Variants in HACD2 observed in about 807,000 individuals in gnomAD.
HACD2 encodes the protein very-long-chain (3R)-3-hydroxyacyl-CoA dehydratase 2.
Under a neutral mutation model 31.0 loss-of-function variants are expected in HACD2, and 15 were observed. The ratio of observed to expected loss-of-function variants is 0.48; its 90% confidence interval spans 0.32 to 0.75. HACD2 has a LOEUF of 0.75. HACD2 is among the 30% of genes least tolerant of loss of function. The probability of loss-of-function intolerance (pLI) is 0.03; values close to 1 mark genes in which losing one functional copy is unlikely to be tolerated. For missense variants in HACD2, 283 were observed against 313.0 expected, an observed-to-expected ratio of 0.90 and a Z score of 0.72; for synonymous variants, 115 against 122.2, an observed-to-expected ratio of 0.94 and a Z score of 0.39.
chr3:123,509,414 A>G (rs2056021585), intron 4 of HACD2, among the ~76,000 whole-genome samples: 1 of 152,006 alleles, frequency 6.6e-6, no homozygotes, highest in Non-Finnish European at 1.5e-5. Flanking sequence ...AGTAAAAACT[A>G]TTATAAATTG....
At chr3:123,528,900 G>C (rs2056317453) in intron 3 of HACD2, among the ~76,000 whole-genome samples, 1 of 152,136 alleles carries the variant, frequency 6.6e-6, no homozygotes. Flanking sequence ...GAAGCTCATG[G>C]ACATCAGACT....
intron 5 of HACD2, among the ~76,000 whole-genome samples, chr3:123,501,505 AG>A (rs1173935746): frequency 6.6e-6 from 1 of 152,242 alleles, no homozygotes; most frequent in African/African-American, 2.4e-5. Flanking sequence ...TTCTGGGCAC[AG>A]GAATTGTGAT....
chr3:123,525,754 G>C (rs748212231), intron 4 of HACD2, among the ~76,000 whole-genome samples: 3 of 152,118 alleles, frequency 2.0e-5, no homozygotes, highest in Non-Finnish European at 1.5e-5. Flanking sequence ...AATGATAGTA[G>C]TGTGAAAAGA....
chr3:123,503,732 T>A (rs1030679610), intron 4 of HACD2, among the ~76,000 whole-genome samples: 6 of 138,416 alleles, frequency 4.3e-5, no homozygotes, highest in Admixed American at 2.2e-4. Context: ...AAAAAGACCG[T>A]CCAAGAGTGG....
In HACD2 at chr3:123,510,945, G is replaced by T. The variant is rs73188540; in HGVS notation, c.382-8264C>A. On this transcript the variant is annotated intron_variant, in intron 4 of 6. Coordinates refer to ENST00000383657, the MANE Select transcript of HACD2 (RefSeq NM_198402.5). Reference sequence around the variant, plus strand: ...CTCATTTGCTGTGTTTTTTTTTTTTGTTTTTTTTTGTTTTTTTTTTTAAAT... The same window carrying T: ...CTCATTTGCTGTGTTTTTTTTTTTTTTTTTTTTTTGTTTTTTTTTTTAAAT... 7.0e-3 allele frequency among the ~76,000 whole-genome samples: 800 copies of T among 114,862 alleles called. 5 individuals are homozygous for T. The highest frequency in any genetic ancestry group is 0.017 in the African/African-American group (512 of 29,576). The allele number at this position is 114,862 out of a possible 152,430, so 75.4% of individuals were successfully genotyped here.
chr3:123,516,233 ATTTTT>A (rs138783399), intron 4 of HACD2, among the ~76,000 whole-genome samples: 7 of 125,798 alleles, frequency 5.6e-5, no homozygotes, highest in Non-Finnish European at 8.7e-5. Context: ...TGTGCAACAT[ATTTTT>A]TTTTTTTTTT....
intron 3 of HACD2, among the ~76,000 whole-genome samples, chr3:123,561,092 G>C (rs1256559090): frequency 6.6e-6 from 1 of 152,184 alleles, no homozygotes; most frequent in African/African-American, 2.4e-5. Flanking sequence ...GGGGGGCAGA[G>C]GAGGGAGTGT....
chr3:123,525,582 C>G (rs2056270895), intron 4 of HACD2, among the ~76,000 whole-genome samples: 1 of 152,072 alleles, frequency 6.6e-6, no homozygotes, highest in Non-Finnish European at 1.5e-5. Context: ...TAGGCTACAC[C>G]CTAGCACATC....
chr3:123,571,004 A>C (rs1001478901), intron 2 of HACD2, among the ~76,000 whole-genome samples: 5 of 151,938 alleles, frequency 3.3e-5, no homozygotes, highest in Non-Finnish European at 7.3e-5. Flanking sequence ...ATACAATGAA[A>C]TCCCTACATA....
At chr3:123,573,749 A>C (rs1312032517) in intron 2 of HACD2, among the ~76,000 whole-genome samples, 2 of 152,166 alleles carry the variant, frequency 1.3e-5, no homozygotes, top group Non-Finnish European at 2.9e-5. Context: ...GCTCCCTCAG[A>C]CTCCAAACAT....
intron 6 of HACD2, among the ~76,000 whole-genome samples, chr3:123,495,937 G>A (rs1386454003): frequency 6.6e-6 from 1 of 151,546 alleles, no homozygotes; most frequent in Admixed American, 6.6e-5. Flanking sequence ...CCTTCACAAG[G>A]TTACTGTGTG....
At chr3:123,507,305 A>T (rs1304088282) in intron 4 of HACD2, among the ~76,000 whole-genome samples, 1 of 152,362 alleles carries the variant, frequency 6.6e-6, no homozygotes, top group African/African-American at 2.4e-5. Context: ...ATTTTAATGC[A>T]AATGTTCATA....
chr3:123,519,245 A>G (rs1381262159), intron 4 of HACD2, among the ~76,000 whole-genome samples: 1 of 152,154 alleles, frequency 6.6e-6, no homozygotes, highest in African/African-American at 2.4e-5. Flanking sequence ...CATACACACA[A>G]ATCCACACAT....
At chr3:123,516,980 C>A (rs1436964838) in intron 4 of HACD2, among the ~76,000 whole-genome samples, 1 of 152,228 alleles carries the variant, frequency 6.6e-6, no homozygotes, top group African/African-American at 2.4e-5. Flanking sequence ...GTTACTTATC[C>A]TCTCTGATCC....
chr3:123,584,891 T>C lies in HACD2; in HGVS notation c.137A>G (p.Asn46Ser), dbSNP rs1370179713. 1.3e-6 allele frequency: 2 copies of C among 1,517,764 alleles called. No individual in the cohort carries two copies. The highest frequency in any genetic ancestry group is 1.2e-5 in the South Asian group (1 of 81,898). The allele number at this position is 1,517,764 out of a possible 1,614,324, so 94.0% of individuals were successfully genotyped here. A position where few individuals can be genotyped will look rare whatever the true frequency, so the allele number is the denominator to read the frequency against. Residue 46 changes from asparagine (N) to serine (S), a missense_variant, in exon 1 of 7, where the codon AAT (asparagine) becomes AGT (serine). Transcript: ENST00000383657. ...PLATAYLVIY[N>S]VVMTAGWLVI... is the part of the protein sequence containing the mutation. ...GCCTCACCCGGCTGTCATCACCACA[T>C]TGTAGATGACCAGGTACGCCGTGGC...
At chr3:123,517,220 G>A (rs1221064239) in intron 4 of HACD2, among the ~76,000 whole-genome samples, 1 of 152,034 alleles carries the variant, frequency 6.6e-6, no homozygotes, top group Admixed American at 6.5e-5. Context: ...GCTTTTTGTT[G>A]CCCAAGCATT....
At chr3:123,556,553 T>C (rs1413146414) in intron 3 of HACD2, among the ~76,000 whole-genome samples, 1 of 152,118 alleles carries the variant, frequency 6.6e-6, no homozygotes, top group African/African-American at 2.4e-5. Flanking sequence ...ATATCTATAG[T>C]AACAAGTTTT....
At chr3:123,553,719 C>A (rs1237136977) in intron 3 of HACD2, among the ~76,000 whole-genome samples, 1 of 152,178 alleles carries the variant, frequency 6.6e-6, no homozygotes, top group East Asian at 1.9e-4. Context: ...CATGTGTCAT[C>A]CCCATGGGAC....
At chr3:123,527,497 T>G (rs939825718) in intron 4 of HACD2, among the ~76,000 whole-genome samples, 2 of 152,234 alleles carry the variant, frequency 1.3e-5, no homozygotes, top group African/African-American at 4.8e-5. Context: ...GTAGCTAACT[T>G]GGTTATCAGT....
Sources: allele counts gnomAD v4.1 joint callset (sites outside exome capture counted in the v4.1 genomes callset), GRCh38; gene constraint gnomAD v4.1.1; transcripts MANE v1.5; gene names NCBI Gene and HGNC (gene_info 2026-07-23, HGNC 2026-07-21).